The following DNM3 variants were observed in gnomAD, a reference collection of about 807,000 sequenced individuals.
DNM3 encodes dynamin-3.
A neutral mutation model predicts 101.6 loss-of-function variants in DNM3; 47 were observed. The ratio of observed to expected loss-of-function variants is 0.46; its 90% CI spans 0.37 to 0.59. DNM3 has a LOEUF of 0.59. Ranked by LOEUF, DNM3 falls within the 20% of genes least tolerant of loss-of-function variation. DNM3 has a pLI of 0.00. For synonymous variants in DNM3, 385 were observed against 387.9 expected (o/e 0.99, Z 0.09); for missense variants, 849 against 1,085.7 (o/e 0.78, Z 3.06).
intron 13 of DNM3, among the ~76,000 whole-genome samples, chr1:172,104,118 T>C (rs1242091267): frequency 6.6e-6 from 1 of 152,248 alleles, no homozygotes; most frequent in Admixed American, 6.5e-5. Context: ...TATTTTCTTA[T>C]TGATTTTTAG....
At chr1:172,048,140 T>C (rs1184092168) in intron 9 of DNM3, among the ~76,000 whole-genome samples, 1 of 152,206 alleles carries the variant, frequency 6.6e-6, no homozygotes, top group Non-Finnish European at 1.5e-5. Flanking sequence ...TTTAGGCATC[T>C]TGAAATATTA....
chr1:172,169,198 C>A (rs1485662002), intron 14 of DNM3, among the ~76,000 whole-genome samples: 1 of 151,742 alleles, frequency 6.6e-6, no homozygotes, highest in Admixed American at 6.6e-5. Context: ...TCCTCCATTG[C>A]AGATACTTTT....
chr1:172,322,083 G>T (rs1025338862), intron 16 of DNM3, among the ~76,000 whole-genome samples: 1 of 152,050 alleles, frequency 6.6e-6, no homozygotes, highest in African/African-American at 2.4e-5. Flanking sequence ...TATTAAATAT[G>T]ATGGTCCCTG....
At chr1:172,219,646 A>C (rs796066407) in intron 14 of DNM3, among the ~76,000 whole-genome samples, 15 of 152,212 alleles carry the variant, frequency 9.9e-5, no homozygotes, top group African/African-American at 3.1e-4. Flanking sequence ...TTTAGAACGC[A>C]AAAGACTCAA....
chr1:171,981,489 T>G (rs1368718088), intron 2 of DNM3, among the ~76,000 whole-genome samples: 1 of 152,262 alleles, frequency 6.6e-6, no homozygotes, highest in Admixed American at 6.5e-5. Context: ...ATGCTGTGCT[T>G]TTCACAGATG....
intron 15 of DNM3, among the ~76,000 whole-genome samples, chr1:172,262,422 A>G (rs1227073106): frequency 1.3e-5 from 2 of 152,132 alleles, no homozygotes; most frequent in East Asian, 1.9e-4. Context: ...GTCTCCAGAC[A>G]GCTCTCTATG....
chr1:172,049,774 T>C, intron 10 of DNM3, among the ~76,000 whole-genome samples: 1 of 151,860 alleles, frequency 6.6e-6, no homozygotes, highest in Non-Finnish European at 1.5e-5. Context: ...GAAAAACCAG[T>C]GGGAAGAAAG....
intron 14 of DNM3, among the ~76,000 whole-genome samples, chr1:172,132,177 G>A (rs1359260899): frequency 6.6e-6 from 1 of 152,172 alleles, no homozygotes; most frequent in Non-Finnish European, 1.5e-5. Context: ...TGTGTTCAAA[G>A]TTAAAAGTTT....
At chr1:171,879,646 C>G (rs1409010863) in intron 1 of DNM3, among the ~76,000 whole-genome samples, 2 of 152,200 alleles carry the variant, frequency 1.3e-5, no homozygotes, top group African/African-American at 4.8e-5. Context: ...CAGAAAGGCA[C>G]AGTGGACTGC....
At chr1:172,296,960 A>G (rs890295299) in intron 15 of DNM3, among the ~76,000 whole-genome samples, 7 of 152,090 alleles carry the variant, frequency 4.6e-5, no homozygotes, top group African/African-American at 1.7e-4. Context: ...CTGGCCAACA[A>G]TGTGAAATCC....
At chr1:172,161,007 A>C (rs768881348) in intron 14 of DNM3, among the ~76,000 whole-genome samples, 3 of 151,824 alleles carry the variant, frequency 2.0e-5, no homozygotes, top group Non-Finnish European at 4.4e-5. Context: ...AAATCCTAAG[A>C]ATTACCTTAT....
intron 1 of DNM3, among the ~76,000 whole-genome samples, chr1:171,888,458 T>G (rs2036973443): frequency 1.3e-5 from 2 of 152,106 alleles, no homozygotes; most frequent in Admixed American, 1.3e-4. Context: ...CAACTGGGAG[T>G]GTAATTCTGC....
intron 1 of DNM3, among the ~76,000 whole-genome samples, chr1:171,906,127 ATTT>A (rs767499060): frequency 5.3e-5 from 7 of 131,348 alleles, no homozygotes; most frequent in Admixed American, 1.5e-4. Context: ...GTTCAATTGC[ATTT>A]TTTTTTTTTT....
At chr1:172,329,743 T>C (rs2066102016) in intron 17 of DNM3, among the ~76,000 whole-genome samples, 1 of 152,020 alleles carries the variant, frequency 6.6e-6, no homozygotes, top group South Asian at 2.1e-4. Flanking sequence ...CCCTATTCAG[T>C]TTATTAAAAA....
chr1:172,263,518 G>A (rs926478600), intron 15 of DNM3, among the ~76,000 whole-genome samples: 1 of 152,182 alleles, frequency 6.6e-6, no homozygotes, highest in African/African-American at 2.4e-5. Flanking sequence ...AAGAAAAAGA[G>A]ATTTCATGGA....
chr1:172,208,995 C>A (rs1241965923), intron 14 of DNM3, among the ~76,000 whole-genome samples: 1 of 152,066 alleles, frequency 6.6e-6, no homozygotes, highest in African/African-American at 2.4e-5. Flanking sequence ...TGGGAAAGCT[C>A]TGTCATGTGC....
chr1:172,013,896 G>C (rs2047283163), intron 4 of DNM3, among the ~76,000 whole-genome samples: 1 of 151,966 alleles, frequency 6.6e-6, no homozygotes, highest in Admixed American at 6.6e-5. Context: ...TACTTTACAG[G>C]TATTATTTAA....
At chr1:172,231,560 G>A (rs1274048680) in intron 14 of DNM3, among the ~76,000 whole-genome samples, 1 of 152,168 alleles carries the variant, frequency 6.6e-6, no homozygotes, top group Admixed American at 6.5e-5. Context: ...AAGGAACACA[G>A]CTCCTCACCA....
chr1:172,018,242 C>T lies in DNM3; in HGVS notation c.590-14160C>T, dbSNP rs117062943. ...GAATTAATATCTATTATATTTGTTA[C>T]TACTTCTATTTGTTGCCCTTGTTTT... is the stretch of plus-strand genomic sequence containing the variant. On this transcript the variant is annotated intron_variant, in intron 4 of 20. Coordinates refer to ENST00000627582, the MANE Select transcript of DNM3 (RefSeq NM_015569.5). 2.1e-4 allele frequency among the ~76,000 whole-genome samples: 32 copies of T among 151,722 alleles called. No homozygotes were observed. The East Asian group carries it at 5.6e-3, about 27-fold the overall frequency.
Sources: allele counts gnomAD v4.1 joint callset (sites outside exome capture counted in the v4.1 genomes callset), GRCh38; gene constraint gnomAD v4.1.1; transcripts MANE v1.5; gene names NCBI Gene and HGNC (gene_info 2026-07-23, HGNC 2026-07-21).